ADGRF1: variants seen among roughly 807,000 people sequenced by gnomAD.
The protein encoded by ADGRF1 is G protein-coupled receptor 110.
Under a neutral mutation model 87.2 loss-of-function variants are expected in ADGRF1, and 85 were observed. The ratio of observed to expected loss-of-function variants is 0.97; its 90% CI spans 0.82 to 1.17. The LOEUF is 1.17. Among genes scored for constraint, ADGRF1 ranks in the 50% most tolerant of loss-of-function variants. The probability of loss-of-function intolerance (pLI) is 0.00; values close to 1 mark genes in which losing one functional copy is unlikely to be tolerated. For missense variants in ADGRF1, 1,169 were observed against 1,077.2 expected (o/e 1.09, Z -1.19); for synonymous variants, 430 against 408.8 (o/e 1.05, Z -0.63).
chr6:47,029,252 A>G (rs989005969), intron 1 of ADGRF1, 148 bp from the exon 2 acceptor site: 1 of 586,798 alleles, frequency 1.7e-6, no homozygotes. Flanking sequence ...CTGTGACATC[A>G]TGACTTCTGC....
chr6:47,026,533 T>A (rs759652420), intron 3 of ADGRF1, among the ~76,000 whole-genome samples: 2 of 152,176 alleles, frequency 1.3e-5, no homozygotes, highest in Non-Finnish European at 2.9e-5. Flanking sequence ...AAATCTTCCC[T>A]TGAGGCTTGA....
At chr6:47,033,915 T>C (rs1438259857) in intron 1 of ADGRF1, among the ~76,000 whole-genome samples, 1 of 152,194 alleles carries the variant, frequency 6.6e-6, no homozygotes, top group Non-Finnish European at 1.5e-5. Flanking sequence ...GGAGGTTTGG[T>C]AAGTTATATG....
chr6:47,033,820 C>T (rs1472661136), intron 1 of ADGRF1, among the ~76,000 whole-genome samples: 2 of 152,194 alleles, frequency 1.3e-5, no homozygotes, highest in Admixed American at 1.3e-4. Flanking sequence ...GTTTCTGTAA[C>T]TGAACAGAGA....
chr6:47,012,691 G>C (rs1442204344), intron 9 of ADGRF1: 1 of 985,512 alleles, frequency 1.0e-6, no homozygotes, highest in African/African-American at 1.7e-5. Flanking sequence ...AGAATGCGTT[G>C]TAAGATGGGA....
At chr6:47,005,733 T>C in intron 13 of ADGRF1, 84 bp downstream of exon 13, 2 of 889,202 alleles carry the variant, frequency 2.2e-6, no homozygotes, top group South Asian at 1.6e-5. Flanking sequence ...TACACAGAAG[T>C]TGGCTTGCAG....
At position 47,012,004 on chromosome 6, in the gene ADGRF1, T is replaced by G. The variant is rs748142469; in HGVS notation, c.1116+3A>C. On this transcript the variant is annotated splice_donor_region_variant and intron_variant, in intron 10 of 14. Coordinates refer to ENST00000371253, the MANE Select transcript of ADGRF1 (RefSeq NM_153840.4). ...GAGCCCTTCAAGCACAGGCAGACCA[T>G]ACCTCCATTGTTGAATTGGACACCC... is the stretch of plus-strand genomic sequence containing the variant. 2 of 1,612,584 alleles carry G rather than the reference T, an allele frequency of 1.2e-6. No individual in the cohort carries two copies. The highest frequency in any genetic ancestry group is 2.2e-5 in the South Asian group (2 of 90,996).
intron 1 of ADGRF1, among the ~76,000 whole-genome samples, chr6:47,031,188 CTGCCTCTTTG>C (rs1780407947): frequency 6.6e-6 from 1 of 152,166 alleles, no homozygotes; most frequent in Non-Finnish European, 1.5e-5. Flanking sequence ...GTGATCCGTT[CTGCCTCTTTG>C]TGCCAGTCTG....
intron 1 of ADGRF1, among the ~76,000 whole-genome samples, chr6:47,041,576 C>T (rs1034675493): frequency 6.6e-6 from 1 of 152,056 alleles, no homozygotes; most frequent in Non-Finnish European, 1.5e-5. Context: ...TTTTCAAGGC[C>T]TCTACTAAGA....
Position 46,999,804 on chromosome 6 carries a change from C to G in ADGRF1, c.*418G>C, listed in dbSNP as rs819498. The G allele has an allele frequency of 0.13, 20,103 of 152,868 alleles. 3,284 individuals are homozygous for G. The highest frequency in any genetic ancestry group is 0.38 in the African/African-American group (15,744 of 41,496). The allele number at this position is 152,868 out of a possible 1,614,324, so 9.5% of individuals were successfully genotyped here. Reference sequence around the variant, plus strand: ...TAATAACTTTTTCCCACCATCCCCCCACCAGTAACTTTTTGACAAGAAAAT... The same window carrying G: ...TAATAACTTTTTCCCACCATCCCCCGACCAGTAACTTTTTGACAAGAAAAT... On this transcript the variant is annotated 3_prime_UTR_variant, in exon 15 of 15. Transcript: ENST00000371253.
chr6:47,026,030 C>A (rs764452838), intron 3 of ADGRF1, 27 bp from the exon 4 acceptor site: 62 of 1,539,756 alleles, frequency 4.0e-5, no homozygotes, highest in Middle Eastern at 1.7e-4. Context: ...AGTCAGAAAC[C>A]TTTTTTTCTG....
rs770719745 is a variant in ADGRF1, at chr6:47,005,836, G to A, written c.2573C>T (p.Ser858Phe). 1.9e-6 allele frequency: 3 copies of A among 1,611,136 alleles called. No homozygotes were observed. The highest frequency in any genetic ancestry group is 3.3e-4 in the Middle Eastern group (2 of 6,068). The change falls in exon 13 of 15, where the codon TCT (serine) becomes TTT (phenylalanine). Residue 858 changes from serine to phenylalanine, a missense_variant. Physicochemically the swap from Ser to Phe is radical, Grantham distance 155. Transcript: ENST00000371253. ...LLFNKLSALS[S>F]WKQTEKQNSS... ...AATTACCTTTTCTGTTTGCTTCCAA[G>A]AACTTAAGGCAGACAACTTGTTGAA...
Position 47,005,791 on chromosome 6 carries a change from G to A in ADGRF1, c.2592+26C>T, listed in dbSNP as rs754253952. The A allele has an allele frequency of 4.5e-6, 7 of 1,563,624 alleles. No homozygotes were observed. The East Asian group carries it at 1.3e-4, about 30-fold the overall frequency. On this transcript the variant is annotated intron_variant, in intron 13 of 14. Coordinates refer to ENST00000371253, the MANE Select transcript of ADGRF1 (RefSeq NM_153840.4). ...TGCAAAACTGGAACTTCATGTATTGGATTCATGGCAGTAGGAGATAATTAC... is the reference window on the plus strand; with the variant it reads ...TGCAAAACTGGAACTTCATGTATTGAATTCATGGCAGTAGGAGATAATTAC...
intron 1 of ADGRF1, among the ~76,000 whole-genome samples, chr6:47,029,349 TA>T (rs1299173707): frequency 2.0e-5 from 3 of 151,562 alleles, no homozygotes; most frequent in Admixed American, 2.0e-4. Flanking sequence ...GGTATCTGAC[TA>T]AACACAGGTT....
chr6:47,008,042 T>A (rs1779582211), intron 11 of ADGRF1, among the ~76,000 whole-genome samples: 1 of 152,246 alleles, frequency 6.6e-6, no homozygotes, highest in South Asian at 2.1e-4. Flanking sequence ...AACCCTCACA[T>A]TTATTTGATG....
intron 14 of ADGRF1, 150 bp from the exon 15 acceptor site, chr6:47,000,445 G>T: frequency 1.8e-6 from 1 of 559,148 alleles, no homozygotes; most frequent in African/African-American, 1.9e-5. Context: ...GGTTGGTGGA[G>T]AGAAATAGCA....
At chr6:47,019,192 A>G in intron 7 of ADGRF1, 2 of 696,844 alleles carry the variant, frequency 2.9e-6, no homozygotes, top group Non-Finnish European at 1.8e-6. Context: ...ATGATAGAAT[A>G]TAAATTAGAA....
At chr6:47,002,156 G>A (rs1214646034) in intron 13 of ADGRF1, among the ~76,000 whole-genome samples, 2 of 152,138 alleles carry the variant, frequency 1.3e-5, no homozygotes, top group African/African-American at 2.4e-5. Flanking sequence ...CTACTCATTA[G>A]TTCATCATTC....
At position 47,009,844 on chromosome 6, in the gene ADGRF1, G is replaced by T. The variant is rs1005111013; in HGVS notation, c.1591C>A (p.Gln531Lys). ...FFSKIESNLSQPHCVFWDFSH... is the reference protein window; with the variant it reads ...FFSKIESNLSKPHCVFWDFSH... ...AAATCCCAAAACACACAATGAGGCTGGCTCAGGTTTGACTCTATCTTGGAA... is the reference window on the plus strand; with the variant it reads ...AAATCCCAAAACACACAATGAGGCTTGCTCAGGTTTGACTCTATCTTGGAA... The change falls in exon 11 of 15, where the codon CAG becomes AAG. Residue 531 changes from glutamine to lysine, a missense_variant. Physicochemically the swap from Gln to Lys is moderately conservative, Grantham distance 53. Coordinates refer to ENST00000371253, the MANE Select transcript of ADGRF1 (RefSeq NM_153840.4). The T allele has an allele frequency of 6.2e-7, 1 of 1,613,934 alleles. No homozygotes were observed. The highest frequency in any genetic ancestry group is 8.5e-7 in the Non-Finnish European group (1 of 1,179,992).
intron 1 of ADGRF1, among the ~76,000 whole-genome samples, chr6:47,035,386 T>G (rs1462467313): frequency 6.6e-6 from 1 of 152,180 alleles, no homozygotes; most frequent in African/African-American, 2.4e-5. Context: ...TTGAGCTTCT[T>G]GAATTGTTTG....
Sources: allele counts gnomAD v4.1 joint callset (sites outside exome capture counted in the v4.1 genomes callset), GRCh38; gene constraint gnomAD v4.1.1; transcripts MANE v1.5; gene names NCBI Gene and HGNC (gene_info 2026-07-23, HGNC 2026-07-21).